Variants in CDC42BPB observed in about 807,000 individuals in gnomAD.
CDC42BPB encodes the protein serine/threonine-protein kinase MRCK beta.
CDC42BPB carries 37 observed loss-of-function variants against 214.9 expected under a neutral mutation model. The ratio of observed to expected loss-of-function variants is 0.17; its 90% CI spans 0.13 to 0.23. The LOEUF is 0.23. Ranked by LOEUF, CDC42BPB falls within the 10% of genes least tolerant of loss-of-function variation. CDC42BPB has a pLI of 1.00. For missense variants in CDC42BPB, 1,694 were observed against 2,227.0 expected, an observed-to-expected ratio of 0.76 and a Z score of 4.82; for synonymous variants, 931 against 884.0, an observed-to-expected ratio of 1.05 and a Z score of -0.94.
chr14:102,933,964 G>C, intron 36 of CDC42BPB, 121 bp from the exon 37 acceptor site: 1 of 1,420,408 alleles, frequency 7.0e-7, no homozygotes, highest in Non-Finnish European at 9.1e-7. Context: ...CTCCCTTCAT[G>C]TTATGAAAAC....
chr14:102,987,850 A>G (rs1894319319), intron 5 of CDC42BPB, among the ~76,000 whole-genome samples: 2 of 149,870 alleles, frequency 1.3e-5, no homozygotes, highest in Non-Finnish European at 3.0e-5. Context: ...CTCACAAACT[A>G]TAATCTCAGC....
At position 102,944,524 on chromosome 14, in the gene CDC42BPB, A is replaced by G; in HGVS notation, c.3812-37T>C. 1.3e-6 allele frequency: 2 copies of G among 1,584,388 alleles called. No individual in the cohort carries two copies. Among genetic ancestry groups the G allele is most frequent in the Non-Finnish European group, 1.7e-6 (2 of 1,163,038 alleles). On this transcript the variant is annotated intron_variant, in intron 29 of 36. Coordinates refer to ENST00000361246, the MANE Select transcript of CDC42BPB (RefSeq NM_006035.4). This position sits in a 1 kb window ranked among gnomAD's most constrained non-coding sequence, Gnocchi z 6.6. ...AGGACAAGAGCGTGAGGCCGACGGGACAGCCAGCAGCTCCCAGGGGCTGAC... is the reference window on the plus strand; with the variant it reads ...AGGACAAGAGCGTGAGGCCGACGGGGCAGCCAGCAGCTCCCAGGGGCTGAC...
chr14:103,002,674 G>C (rs1895042712), intron 4 of CDC42BPB, among the ~76,000 whole-genome samples: 2 of 152,070 alleles, frequency 1.3e-5, no homozygotes. Context: ...GCCAGGCTGG[G>C]GCTGGGTCTT....
chr14:103,010,110 A>T (rs1886065259), intron 2 of CDC42BPB, among the ~76,000 whole-genome samples: 1 of 152,074 alleles, frequency 6.6e-6, no homozygotes, highest in Non-Finnish European at 1.5e-5. Context: ...ACATAGTGAC[A>T]CCCCATTTCT....
At chr14:102,941,606 T>C in intron 30 of CDC42BPB, 1 of 969,062 alleles carries the variant, frequency 1.0e-6, no homozygotes, top group Non-Finnish European at 1.2e-6. Flanking sequence ...TATGTGGGGA[T>C]TCGCTTGCAA....
rs533946997 is a variant in CDC42BPB at position 102,983,775 on chromosome 14, G to A, written c.691-19C>T. On this transcript the variant is annotated intron_variant, in intron 6 of 36. Coordinates refer to ENST00000361246, the MANE Select transcript of CDC42BPB (RefSeq NM_006035.4). ...ACTGCACCTTAGGGGAGAAGGAGGT[G>A]CTGAAGGAAACCCTAGGGCATCTCC... 2 of 1,608,990 alleles carry A rather than the reference G, an allele frequency of 1.2e-6. No individual in the cohort carries two copies. The highest frequency in any genetic ancestry group is 1.7e-5 in the Admixed American group (1 of 59,784).
At chr14:102,994,328 T>C (rs940866873) in intron 5 of CDC42BPB, among the ~76,000 whole-genome samples, 1 of 152,088 alleles carries the variant, frequency 6.6e-6, no homozygotes, top group African/African-American at 2.4e-5. Flanking sequence ...GGGGGTCATC[T>C]GCGCCGTATA....
chr14:102,998,553 A>C (rs1566892140), intron 5 of CDC42BPB, among the ~76,000 whole-genome samples: 1 of 152,226 alleles, frequency 6.6e-6, no homozygotes, highest in Non-Finnish European at 1.5e-5. Context: ...TTTGAGTCTC[A>C]GGACAAGAGG....
intron 1 of CDC42BPB, among the ~76,000 whole-genome samples, chr14:103,040,374 C>T (rs1887920913): frequency 6.6e-6 from 1 of 151,538 alleles, no homozygotes; most frequent in Non-Finnish European, 1.5e-5. Context: ...GTTAAAGCAG[C>T]AAACTTTATG....
chr14:103,040,219 G>A (rs1279891763), intron 1 of CDC42BPB, among the ~76,000 whole-genome samples: 1 of 151,942 alleles, frequency 6.6e-6, no homozygotes, highest in East Asian at 2.0e-4. Context: ...GCCAGGCGTC[G>A]TGGCGGGTGC....
intron 13 of CDC42BPB, chr14:102,970,537 T>C (rs1272639042): frequency 1.8e-5 from 4 of 218,050 alleles, no homozygotes; most frequent in African/African-American, 9.4e-5. Flanking sequence ...TTTCACTGAT[T>C]CGTGAAAACC....
chr14:102,996,946 C>T (rs919062782), intron 5 of CDC42BPB, among the ~76,000 whole-genome samples: 30 of 152,240 alleles, frequency 2.0e-4, no homozygotes, highest in South Asian at 2.1e-4. Flanking sequence ...TCTGTTCTAT[C>T]GGGACAGCTC....
intron 36 of CDC42BPB, among the ~76,000 whole-genome samples, chr14:102,935,244 A>AT (rs1891598666): frequency 6.6e-6 from 1 of 152,238 alleles, no homozygotes; most frequent in East Asian, 1.9e-4. Flanking sequence ...AAAACTAATA[A>AT]GCTCAGCAAA....
At position 102,945,706 on chromosome 14, in the gene CDC42BPB, A is replaced by G. The variant is rs1293446771; in HGVS notation, c.3767T>C (p.Val1256Ala). Residue 1256 changes from valine (V) to alanine (A), a missense_variant, in exon 29 of 37, where the codon GTC becomes GCC. By Grantham distance (64) the Val-to-Ala change is moderately conservative. Around this residue, in one of 7 missense-constraint regions of CDC42BPB, gnomAD observed 567 missense variants for 790.3 expected, o/e 0.72. Coordinates refer to ENST00000361246, the MANE Select transcript of CDC42BPB (RefSeq NM_006035.4). ...AAIVDADRIA[V>A]GLEEGLYVIE... is the part of the protein sequence containing the mutation. ...GACATAGAGCCCTTCTTCTAGGCCG[A>G]CTGCAATCCTGTCTGCATCTGTGGA... 1 of 1,612,726 alleles carries G rather than the reference A, an allele frequency of 6.2e-7. No individual in the cohort carries two copies. The highest frequency in any genetic ancestry group is 1.3e-5 in the African/African-American group (1 of 74,898).
chr14:102,945,627 T>C, intron 29 of CDC42BPB, 35 bp downstream of exon 29: 1 of 1,588,162 alleles, frequency 6.3e-7, no homozygotes, highest in Non-Finnish European at 8.6e-7. Context: ...GCTGGGCCTG[T>C]GACATCCCAG....
At chr14:103,015,778 A>G (rs1202163205) in intron 1 of CDC42BPB, among the ~76,000 whole-genome samples, 1 of 151,932 alleles carries the variant, frequency 6.6e-6, no homozygotes, top group Non-Finnish European at 1.5e-5. Context: ...TAACAATCTC[A>G]GCTCACTGCA....
chr14:102,947,889 A>T (rs965394669), intron 26 of CDC42BPB, 87 bp from the exon 27 acceptor site: 32 of 1,598,096 alleles, frequency 2.0e-5, no homozygotes, highest in Middle Eastern at 1.7e-4. Flanking sequence ...CTGCCCTGCC[A>T]TGTCCTTCCA....
At chr14:103,043,490 G>C (rs1330151723) in intron 1 of CDC42BPB, among the ~76,000 whole-genome samples, 1 of 152,160 alleles carries the variant, frequency 6.6e-6, no homozygotes, top group East Asian at 1.9e-4. Flanking sequence ...AATGAAAGTA[G>C]ATTTGTGGTT....
In CDC42BPB at chr14:102,974,055, C is replaced by T. The variant is rs1198049596; in HGVS notation, c.1602G>A (p.Gln534=). The change falls in exon 12 of 37, where the codon CAG becomes CAA. Residue 534 remains glutamine (Q), a synonymous_variant. Coordinates refer to ENST00000361246, the MANE Select transcript of CDC42BPB (RefSeq NM_006035.4). ...STQRLRGLEK[Q]HRVVRQEKEE... Reference sequence around the variant, plus strand: ...CCTTCTCCTGCCGGACCACGCGGTGCTGCTTCTCCAGCCCCCGCAGCCGCT... The same window carrying T: ...CCTTCTCCTGCCGGACCACGCGGTGTTGCTTCTCCAGCCCCCGCAGCCGCT... 3.1e-6 allele frequency: 5 copies of T among 1,613,722 alleles called. No homozygotes were observed. The highest frequency in any genetic ancestry group is 1.1e-5 in the South Asian group (1 of 91,046).
Sources: allele counts gnomAD v4.1 joint callset (sites outside exome capture counted in the v4.1 genomes callset), GRCh38; gene constraint gnomAD v4.1.1; regional missense constraint gnomAD v4.1.1; non-coding constraint Gnocchi (gnomAD v3.1); transcripts MANE v1.5; gene names NCBI Gene and HGNC (gene_info 2026-07-23, HGNC 2026-07-21).